The following HDAC9 variants were observed in gnomAD, a reference collection of about 807,000 sequenced individuals.
HDAC9 encodes the protein MEF-2 interacting transcription repressor (MITR) protein.
HDAC9 carries 41 observed loss-of-function variants against 139.4 expected under a neutral mutation model. The ratio of observed to expected loss-of-function variants is 0.29; its 90% CI spans 0.23 to 0.38. The LOEUF is 0.38. Ranked by LOEUF, HDAC9 falls within the 10% of genes least tolerant of loss-of-function variation. The pLI, the probability that HDAC9 is intolerant of heterozygous loss-of-function variation, is 1.00. For missense variants in HDAC9, 1,147 were observed against 1,297.0 expected (o/e 0.88, Z 1.78); for synonymous variants, 517 against 476.2 (o/e 1.09, Z -1.12).
intron 25 of HDAC9, among the ~76,000 whole-genome samples, chr7:18,978,555 A>C (rs1285577596): frequency 1.3e-5 from 2 of 152,104 alleles, no homozygotes; most frequent in African/African-American, 4.8e-5. Context: ...GGGGCAAAAG[A>C]CTTGATCAAA....
chr7:18,583,485 C>G (rs1337389770), intron 2 of HDAC9, among the ~76,000 whole-genome samples: 1 of 151,708 alleles, frequency 6.6e-6, no homozygotes, highest in African/African-American at 2.4e-5. Context: ...CTTGGGAGCT[C>G]AGGCAGGAGG....
chr7:18,247,218 A>G (rs543939112), intron 2 of HDAC9, among the ~76,000 whole-genome samples: 2 of 152,190 alleles, frequency 1.3e-5, no homozygotes, highest in South Asian at 4.1e-4. Flanking sequence ...TCATTAGCAT[A>G]GAGATGGTAT....
intron 1 of HDAC9, among the ~76,000 whole-genome samples, chr7:18,478,392 C>A (rs1795292709): frequency 6.6e-6 from 1 of 152,182 alleles, no homozygotes; most frequent in African/African-American, 2.4e-5. Context: ...CTTTTAAGTG[C>A]AGTTTATGCA....
Position 18,944,376 on chromosome 7 carries a change from T to G in HDAC9, c.2937+8434T>G, listed in dbSNP as rs147827319. On this transcript the variant is annotated intron_variant, in intron 23 of 25. Coordinates refer to ENST00000686413, the MANE Select transcript of HDAC9 (RefSeq NM_178425.4). The stretch of plus-strand genomic sequence containing the variant: ...TTTCTTTGTAAGTAAATTTGTGGCC[T>G]TGTACCTAAGAATATAACATGTTGC... Among the ~76,000 whole-genome samples, 13 of 152,300 alleles carry G rather than the reference T, an allele frequency of 8.5e-5. No individual in the cohort carries two copies. The East Asian group carries it at 2.3e-3, about 27-fold the overall frequency.
At chr7:18,292,272 C>T (rs879420737) in intron 1 of HDAC9, among the ~76,000 whole-genome samples, 15 of 152,042 alleles carry the variant, frequency 9.9e-5, no homozygotes, top group Non-Finnish European at 2.1e-4. Context: ...AGAAGCTAAG[C>T]TACTTACCCA....
At chr7:18,881,445 C>T (rs1799731935) in intron 22 of HDAC9, among the ~76,000 whole-genome samples, 2 of 152,076 alleles carry the variant, frequency 1.3e-5, no homozygotes, top group African/African-American at 2.4e-5. Context: ...CAAATACCCT[C>T]CACTTTTCCA....
chr7:18,874,630 C>A, intron 22 of HDAC9, 34 bp downstream of exon 22: 1 of 1,197,786 alleles, frequency 8.3e-7, no homozygotes, highest in South Asian at 1.3e-5. Flanking sequence ...ACGAAAGGCT[C>A]TGATATCATA....
chr7:18,662,165 C>A (rs112064792), intron 11 of HDAC9, among the ~76,000 whole-genome samples: 8 of 152,164 alleles, frequency 5.3e-5, no homozygotes, highest in Admixed American at 3.3e-4. Flanking sequence ...CTCTTATTTT[C>A]AAAAATGCTA....
In HDAC9 at chr7:18,112,726, A is replaced by G. The variant is rs932676250; in HGVS notation, c.-97+25513A>G. On this transcript the variant is annotated intron_variant, in intron 1 of 12. Transcript: ENST00000417496. ...TTAGTACAATTTATAATGAACATATATATGTGTGTATATACACTTTTATTT... is the reference window on the plus strand; with the variant it reads ...TTAGTACAATTTATAATGAACATATGTATGTGTGTATATACACTTTTATTT... Among the ~76,000 whole-genome samples the G allele has an allele frequency of 7.2e-5, 11 of 152,312 alleles. No individual in the cohort carries two copies. In the East Asian group the frequency reaches 9.7e-4, roughly 13 times the overall value.
intron 9 of HDAC9, among the ~76,000 whole-genome samples, chr7:18,646,729 G>T (rs954384765): frequency 5.9e-5 from 9 of 152,046 alleles, no homozygotes; most frequent in Non-Finnish European, 1.3e-4. Context: ...TAATTTTGAG[G>T]TATTAGAGTC....
intron 12 of HDAC9, among the ~76,000 whole-genome samples, chr7:18,707,196 G>A (rs879720833): frequency 9.2e-5 from 14 of 152,190 alleles, no homozygotes; most frequent in African/African-American, 3.1e-4. Flanking sequence ...GTTTCAAGAA[G>A]GAGAGAATCA....
At chr7:18,578,749 A>G (rs1413917731) in intron 2 of HDAC9, among the ~76,000 whole-genome samples, 4 of 152,194 alleles carry the variant, frequency 2.6e-5, no homozygotes, top group Non-Finnish European at 5.9e-5. Context: ...TTTCAACATG[A>G]GATGGTATGA....
Position 18,496,344 on chromosome 7 carries a change from C to G in HDAC9, c.22+20C>G. ...GCTCAGGTAAGATCCTCTTTCATAA[C>G]TGAGACGTTTTAGGTTTGAAAGGGG... On this transcript the variant is annotated intron_variant, in intron 2 of 25. Coordinates refer to ENST00000686413, the MANE Select transcript of HDAC9 (RefSeq NM_178425.4). The G allele has an allele frequency of 6.2e-7, 1 of 1,609,676 alleles. No homozygotes were observed. Among genetic ancestry groups the G allele is most frequent in the Non-Finnish European group, 8.5e-7 (1 of 1,176,618 alleles).
At chr7:18,247,501 A>G (rs1242996512) in intron 2 of HDAC9, among the ~76,000 whole-genome samples, 1 of 152,130 alleles carries the variant, frequency 6.6e-6, no homozygotes, top group Non-Finnish European at 1.5e-5. Flanking sequence ...GGTTGGATCA[A>G]AAGTCATATG....
intron 1 of HDAC9, among the ~76,000 whole-genome samples, chr7:18,481,462 A>G (rs1795543596): frequency 6.6e-6 from 1 of 152,182 alleles, no homozygotes; most frequent in African/African-American, 2.4e-5. Context: ...GGGTTACTCA[A>G]ATGGATATTA....
chr7:18,723,370 C>T (rs190318280), intron 12 of HDAC9, among the ~76,000 whole-genome samples: 1 of 152,256 alleles, frequency 6.6e-6, no homozygotes, highest in East Asian at 1.9e-4. Flanking sequence ...TTACTAACTA[C>T]GGTTAAGGTG....
At chr7:18,788,632 G>A (rs1189350448) in intron 16 of HDAC9, among the ~76,000 whole-genome samples, 8 of 151,692 alleles carry the variant, frequency 5.3e-5, no homozygotes, top group Non-Finnish European at 1.2e-4. Flanking sequence ...GCGGATGCCT[G>A]AAATCCCATC....
At chr7:18,115,292 C>CAA (rs67773503) in intron 1 of HDAC9, among the ~76,000 whole-genome samples, 20 of 130,252 alleles carry the variant, frequency 1.5e-4, no homozygotes, top group African/African-American at 2.9e-4. Flanking sequence ...GACTCTGTCT[C>CAA]AAAAAAAAAA....
At chr7:18,621,763 A>G (rs934566440) in intron 6 of HDAC9, among the ~76,000 whole-genome samples, 1 of 152,176 alleles carries the variant, frequency 6.6e-6, no homozygotes, top group Admixed American at 6.5e-5. Context: ...AGAGGCATAC[A>G]TTGTATTATT....
Sources: allele counts gnomAD v4.1 joint callset (sites outside exome capture counted in the v4.1 genomes callset), GRCh38; gene constraint gnomAD v4.1.1; transcripts MANE v1.5; gene names NCBI Gene and HGNC (gene_info 2026-07-23, HGNC 2026-07-21).